The following ZSWIM6 variants were observed in gnomAD, a reference collection of about 807,000 sequenced individuals.
ZSWIM6 encodes the protein zinc finger SWIM domain-containing protein 6.
Under a neutral mutation model 113.2 loss-of-function variants are expected in ZSWIM6, and 9 were observed. That is an observed-to-expected ratio of 0.08 (90% CI 0.05 to 0.14). The LOEUF (loss-of-function observed/expected upper bound fraction) is 0.14. Ranked by LOEUF, ZSWIM6 falls within the 10% of genes least tolerant of loss-of-function variation. The pLI, the probability that ZSWIM6 is intolerant of heterozygous loss-of-function variation, is 1.00. For missense variants in ZSWIM6, 1,162 were observed against 1,552.2 expected (o/e 0.75, Z 4.22); for synonymous variants, 611 against 606.5 (o/e 1.01, Z -0.11).
chr5:61,373,244 G>T (rs983193511), intron 1 of ZSWIM6, among the ~76,000 whole-genome samples: 4 of 151,986 alleles, frequency 2.6e-5, no homozygotes, highest in African/African-American at 9.7e-5. Flanking sequence ...CACTGCACCT[G>T]GCTCTATTTA....
intron 1 of ZSWIM6, among the ~76,000 whole-genome samples, chr5:61,462,258 G>A (rs1450911529): frequency 6.6e-6 from 1 of 152,154 alleles, no homozygotes; most frequent in African/African-American, 2.4e-5. Context: ...AGATAGACTT[G>A]AGCTGTAGAA....
At chr5:61,346,879 G>A (rs745809782) in intron 1 of ZSWIM6, among the ~76,000 whole-genome samples, 15 of 152,128 alleles carry the variant, frequency 9.9e-5, no homozygotes, top group Non-Finnish European at 1.9e-4. Flanking sequence ...GGAAAAAGCC[G>A]TTAAAATACT....
chr5:61,389,554 C>CA (rs60533774), intron 1 of ZSWIM6, among the ~76,000 whole-genome samples: 10,837 of 49,628 alleles, frequency 0.22, 1,155 homozygotes, highest in Middle Eastern at 0.26. Flanking sequence ...GACTCAGTCT[C>CA]AAAAAAAAAA....
At chr5:61,360,613 A>G (rs1188994461) in intron 1 of ZSWIM6, among the ~76,000 whole-genome samples, 1 of 152,202 alleles carries the variant, frequency 6.6e-6, no homozygotes, top group African/African-American at 2.4e-5. Context: ...ACTGCTGAGC[A>G]CTTCAAATGA....
chr5:61,437,584 A>G (rs2112142906), intron 1 of ZSWIM6, among the ~76,000 whole-genome samples: 1 of 152,032 alleles, frequency 6.6e-6, no homozygotes, highest in South Asian at 2.1e-4. Context: ...TTAGCTGAGC[A>G]TGGTAGCGTG....
At chr5:61,354,282 A>G (rs1336420334) in intron 1 of ZSWIM6, among the ~76,000 whole-genome samples, 1 of 152,230 alleles carries the variant, frequency 6.6e-6, no homozygotes, top group Non-Finnish European at 1.5e-5. Flanking sequence ...GGAAGTCTAT[A>G]TAACTCACCA....
At chr5:61,404,419 A>G (rs1403219122) in intron 1 of ZSWIM6, among the ~76,000 whole-genome samples, 1 of 152,130 alleles carries the variant, frequency 6.6e-6, no homozygotes, top group Non-Finnish European at 1.5e-5. Flanking sequence ...CGCCCTCTTG[A>G]AGTTCACATT....
At chr5:61,516,633 G>A (rs1203097569) in intron 4 of ZSWIM6, among the ~76,000 whole-genome samples, 1 of 150,338 alleles carries the variant, frequency 6.7e-6, no homozygotes, top group African/African-American at 2.4e-5. Context: ...ACCTCTATGT[G>A]CATTTAAAAC....
chr5:61,470,813 G>T (rs1172021036), intron 1 of ZSWIM6, among the ~76,000 whole-genome samples: 1 of 152,140 alleles, frequency 6.6e-6, no homozygotes, highest in African/African-American at 2.4e-5. Flanking sequence ...AAAGATTATT[G>T]CAGCACCTTT....
At chr5:61,500,110 T>TTA (rs1208854527) in intron 4 of ZSWIM6, among the ~76,000 whole-genome samples, 1 of 148,566 alleles carries the variant, frequency 6.7e-6, no homozygotes, top group Non-Finnish European at 1.5e-5. Flanking sequence ...TTTATTATTA[T>TTA]TATTATTATT....
rs1744294670 is a variant in ZSWIM6 at position 61,332,896 on chromosome 5, C to T, written c.624C>T (p.Arg208=). Residue 208 remains arginine (R), a synonymous_variant, in exon 1 of 14, where the codon CGC becomes CGT. Transcript: ENST00000252744. The stretch of plus-strand genomic sequence containing the variant: ...GCGACGAGACGCGGCTGCCTTTCCG[C>T]CGGGGCATCGCGCTGTTGGAAAGCG... ...DGGDETRLPF[R]RGIALLESGC... is the part of the protein sequence containing the mutation. 2.2e-6 allele frequency: 3 copies of T among 1,340,442 alleles called. No individual in the cohort carries two copies. Among genetic ancestry groups the T allele is most frequent in the African/African-American group, 1.5e-5 (1 of 65,976 alleles). 83.0% of individuals were successfully genotyped at this position (1,340,442 alleles called of 1,614,324 possible). A position where few individuals can be genotyped will look rare whatever the true frequency, so the allele number is the denominator to read the frequency against.
intron 1 of ZSWIM6, among the ~76,000 whole-genome samples, chr5:61,356,383 A>G (rs538908504): frequency 1.8e-4 from 27 of 152,112 alleles, no homozygotes; most frequent in Non-Finnish European, 3.5e-4. Context: ...TCATTGGCTG[A>G]GTTATTTACA....
chr5:61,440,406 A>G (rs1474565460), intron 1 of ZSWIM6, among the ~76,000 whole-genome samples: 1 of 151,458 alleles, frequency 6.6e-6, no homozygotes, highest in Non-Finnish European at 1.5e-5. Context: ...CTAAGGGTGA[A>G]GTGCTAACTC....
At position 61,515,891 on chromosome 5, in the gene ZSWIM6, G is replaced by A. The variant is rs946144821; in HGVS notation, c.1334-5372G>A. ...ATTATGTCTTTTTGGAAAACTGTCC[G>A]TTTTATCTTTATGTAATGCCCCTCT... On this transcript the variant is annotated intron_variant, in intron 4 of 13. Transcript: ENST00000252744. Among the ~76,000 whole-genome samples the A allele has an allele frequency of 5.9e-5, 9 of 151,984 alleles. 1 individual carries two copies. The highest frequency in any genetic ancestry group is 1.7e-4 in the African/African-American group (7 of 41,390).
intron 1 of ZSWIM6, among the ~76,000 whole-genome samples, chr5:61,403,263 G>T (rs1285808260): frequency 6.6e-6 from 1 of 152,158 alleles, no homozygotes; most frequent in Non-Finnish European, 1.5e-5. Context: ...ATTTAAAATT[G>T]AGTAATTATT....
intron 4 of ZSWIM6, among the ~76,000 whole-genome samples, chr5:61,514,781 G>A (rs1296448340): frequency 6.6e-6 from 1 of 151,984 alleles, no homozygotes; most frequent in Non-Finnish European, 1.5e-5. Flanking sequence ...TAATATTTTT[G>A]TGGAGGCATT....
At chr5:61,339,210 C>G (rs1371612670) in intron 1 of ZSWIM6, among the ~76,000 whole-genome samples, 1 of 152,110 alleles carries the variant, frequency 6.6e-6, no homozygotes, top group Non-Finnish European at 1.5e-5. Flanking sequence ...CACATGAGAC[C>G]AGCCTGGGCA....
In ZSWIM6 at chr5:61,332,537, TG is replaced by T; in HGVS notation, c.267del (p.Trp89CysfsTer21). 1 of 1,344,838 alleles carries T rather than the reference TG, an allele frequency of 7.4e-7. No homozygotes were observed. The allele number at this position is 1,344,838 out of a possible 1,614,324, so 83.3% of individuals were successfully genotyped here. A position where few individuals can be genotyped will look rare whatever the true frequency, so the allele number is the denominator to read the frequency against. On this transcript the variant is annotated frameshift_variant, in exon 1 of 14. Coordinates refer to ENST00000252744, the MANE Select transcript of ZSWIM6 (RefSeq NM_020928.2). LOFTEE classifies it high-confidence loss of function. ...DIAARRVAEKWPFQRVEERFE... is the reference protein window; with the variant it reads ...DIAARRVAEKXPFQRVEERFE... ...CGCGGCGCGCAGGGTGGCGGAGAAG[TG>T]GCCGTTCCAGCGCGTGGAGGAGCGC...
chr5:61,364,782 C>CT (rs1371320351), intron 1 of ZSWIM6, among the ~76,000 whole-genome samples: 1 of 152,120 alleles, frequency 6.6e-6, no homozygotes, highest in African/African-American at 2.4e-5. Context: ...TTTAAGGACA[C>CT]TAATCCCATT....
Sources: allele counts gnomAD v4.1 joint callset (sites outside exome capture counted in the v4.1 genomes callset), GRCh38; gene constraint gnomAD v4.1.1; transcripts MANE v1.5; gene names NCBI Gene and HGNC (gene_info 2026-07-23, HGNC 2026-07-21).